The following PTPRU variants were observed in gnomAD, a reference collection of about 807,000 sequenced individuals.
PTPRU encodes receptor-type tyrosine-protein phosphatase U.
Under a neutral mutation model 166.3 loss-of-function variants are expected in PTPRU, and 69 were observed. The ratio of observed to expected loss-of-function variants is 0.41; its 90% CI spans 0.34 to 0.51. PTPRU has a LOEUF of 0.51. PTPRU is among the 20% of genes least tolerant of loss of function. PTPRU has a pLI of 0.09. For missense variants in PTPRU, 1,657 were observed against 2,013.7 expected (o/e 0.82, Z 3.39); for synonymous variants, 793 against 814.0 (o/e 0.97, Z 0.44).
At chr1:29,273,956 A>G (rs1158691315) in intron 7 of PTPRU, among the ~76,000 whole-genome samples, 1 of 152,180 alleles carries the variant, frequency 6.6e-6, no homozygotes, top group Non-Finnish European at 1.5e-5. Flanking sequence ...TCTCTGTGCC[A>G]TTGTTTTCAT....
rs1304619457 is a variant in PTPRU, at chr1:29,260,968, C to T, written c.1144+65C>T. ...GCCCAGGGCTATGGAGGGGCGCATT[C>T]GAGAGGTAGCGTGGCCTGTGCTTGT... On this transcript the variant is annotated intron_variant, in intron 7 of 29. Transcript: ENST00000373779. The surrounding 1 kb of genome is among the most constrained non-coding windows in gnomAD (Gnocchi z 8.3). 2 of 1,441,926 alleles carry T rather than the reference C, an allele frequency of 1.4e-6. No individual in the cohort carries two copies. Among genetic ancestry groups the T allele is most frequent in the East Asian group, 2.6e-5 (1 of 38,748 alleles). The allele number at this position is 1,441,926 out of a possible 1,614,324, so 89.3% of individuals were successfully genotyped here. A position where few individuals can be genotyped will look rare whatever the true frequency, so the allele number is the denominator to read the frequency against.
chr1:29,284,713 C>G lies in PTPRU; in HGVS notation c.2180-18C>G, dbSNP rs1407427337. ...CCTGTCTTTCCTCTGATCCCTTGTT[C>G]TGCTTTGTTCTCCCCAGCTGCCTGC... On this transcript the variant is annotated intron_variant, in intron 13 of 29. Transcript: ENST00000373779. 1 of 1,614,026 alleles carries G rather than the reference C, an allele frequency of 6.2e-7. No homozygotes were observed. Among genetic ancestry groups the G allele is most frequent in the Admixed American group, 1.7e-5 (1 of 60,012 alleles).
intron 25 of PTPRU, among the ~76,000 whole-genome samples, chr1:29,318,881 C>T (rs892774291): frequency 7.9e-5 from 12 of 152,202 alleles, no homozygotes; most frequent in Non-Finnish European, 1.6e-4. Flanking sequence ...CTGCGTCTCT[C>T]CACGCGGAAA....
Position 29,269,332 on chromosome 1 carries a change from G to C in PTPRU, c.1145-6116G>C, listed in dbSNP as rs143135977. Among the ~76,000 whole-genome samples the C allele has an allele frequency of 5.3e-3, 709 of 132,576 alleles. 2 individuals carry two copies. The highest frequency in any genetic ancestry group is 8.4e-3 in the Non-Finnish European group (546 of 65,008). The allele number at this position is 132,576 out of a possible 152,430, so 87.0% of individuals were successfully genotyped here. A position where few individuals can be genotyped will look rare whatever the true frequency, so the allele number is the denominator to read the frequency against. On this transcript the variant is annotated intron_variant, in intron 7 of 29. Transcript: ENST00000373779. Reference sequence around the variant, plus strand: ...CTGATCTTAAACTCCTGGCTTCAAGGGATCCTCCTGTTTCAGCCTCCCAAA... The same window carrying C: ...CTGATCTTAAACTCCTGGCTTCAAGCGATCCTCCTGTTTCAGCCTCCCAAA...
At chr1:29,302,819 G>A (rs942936836) in intron 15 of PTPRU, among the ~76,000 whole-genome samples, 1 of 152,098 alleles carries the variant, frequency 6.6e-6, no homozygotes, top group Non-Finnish European at 1.5e-5. Context: ...AAATTTCTGG[G>A]ATTACAGGTT....
In PTPRU at chr1:29,315,246, C is replaced by A; in HGVS notation, c.3228-126C>A. On this transcript the variant is annotated intron_variant, in intron 22 of 29. Coordinates refer to ENST00000373779, the MANE Select transcript of PTPRU (RefSeq NM_133178.4). The surrounding 1 kb of genome is among the most constrained non-coding windows in gnomAD (Gnocchi z 4.5). ...TCCTGGCTCCTTACTCGGGGAGGGG[C>A]AGTCATCTCTGTGTCCGTGTCCCCT... 8.4e-7 allele frequency: 1 copy of A among 1,187,956 alleles called. No homozygotes were observed. The highest frequency in any genetic ancestry group is 1.2e-6 in the Non-Finnish European group (1 of 843,118). 73.6% of individuals were successfully genotyped at this position (1,187,956 alleles called of 1,614,324 possible). A position where few individuals can be genotyped will look rare whatever the true frequency, so the allele number is the denominator to read the frequency against.
At position 29,315,522 on chromosome 1, in the gene PTPRU, C is replaced by T; in HGVS notation, c.3363+15C>T. 1.2e-6 allele frequency: 2 copies of T among 1,614,012 alleles called. No individual in the cohort carries two copies. The highest frequency in any genetic ancestry group is 1.7e-6 in the Non-Finnish European group (2 of 1,179,964). On this transcript the variant is annotated intron_variant, in intron 23 of 29. Coordinates refer to ENST00000373779, the MANE Select transcript of PTPRU (RefSeq NM_133178.4). This position sits in a 1 kb window ranked among gnomAD's most constrained non-coding sequence, Gnocchi z 4.5. The stretch of plus-strand genomic sequence containing the variant: ...TCCAGACTGAGGTGCGGGGACCTGG[C>T]CCTGTCCCCACCATTATTACTTCTA...
intron 14 of PTPRU, among the ~76,000 whole-genome samples, chr1:29,285,761 C>G (rs1686315794): frequency 6.6e-6 from 1 of 152,226 alleles, no homozygotes; most frequent in African/African-American, 2.4e-5. Context: ...CAGATGAAGG[C>G]TGAGCAGCAG....
At position 29,282,946 on chromosome 1, in the gene PTPRU, G is replaced by T; in HGVS notation, c.2139G>T (p.Lys713Asn). Residue 713 changes from lysine (K) to asparagine (N), a missense_variant, in exon 12 of 30, where the codon AAG becomes AAT. Physicochemically the swap from Lys to Asn is moderately conservative, Grantham distance 94 (BLOSUM62 0). Coordinates refer to ENST00000373779, the MANE Select transcript of PTPRU (RefSeq NM_133178.4). The stretch of plus-strand genomic sequence containing the variant: ...ACTTCCAGGCAGCAAGCCACCTGAA[G>T]GGGGTGAGGGACCGGCCAGGGTCAT... Reference protein sequence around the residue: ...LIYFQAASHLKGETRLNCIRI... With the variant: ...LIYFQAASHLNGETRLNCIRI... The T allele has an allele frequency of 6.2e-7, 1 of 1,613,060 alleles. No homozygotes were observed. Among genetic ancestry groups the T allele is most frequent in the South Asian group, 1.1e-5 (1 of 91,040 alleles).
intron 1 of PTPRU, among the ~76,000 whole-genome samples, chr1:29,254,954 A>G (rs1295740011): frequency 6.6e-6 from 1 of 152,168 alleles, no homozygotes; most frequent in Non-Finnish European, 1.5e-5. Flanking sequence ...GTGAAGTTCC[A>G]ATAATATAGC....
At position 29,317,765 on chromosome 1, in the gene PTPRU, C is replaced by T; in HGVS notation, c.3531C>T (p.Thr1177=). ...CCCTGTAGACGCTGAACTCGGTCAC[C>T]CCGCCGCTGGACGTGGAGGAGTGCA... ...REEFQTLNSV[T]PPLDVEECSI... Residue 1177 remains threonine, a synonymous_variant, in exon 25 of 30, where the codon ACC becomes ACT. Coordinates refer to ENST00000373779, the MANE Select transcript of PTPRU (RefSeq NM_133178.4). The surrounding 1 kb of genome is among the most constrained non-coding windows in gnomAD (Gnocchi z 5.6). 1 of 1,610,162 alleles carries T rather than the reference C, an allele frequency of 6.2e-7. No individual in the cohort carries two copies. Among genetic ancestry groups the T allele is most frequent in the Non-Finnish European group, 8.5e-7 (1 of 1,179,756 alleles).
intron 1 of PTPRU, 88 bp from the exon 2 acceptor site, chr1:29,255,187 G>A (rs892090763): frequency 1.4e-4 from 204 of 1,475,332 alleles, no homozygotes; most frequent in Non-Finnish European, 1.0e-4. Flanking sequence ...GTGGGCCTGG[G>A]TAGAAGGGAG....
chr1:29,246,054 G>A (rs1684283782), intron 1 of PTPRU, among the ~76,000 whole-genome samples: 1 of 152,256 alleles, frequency 6.6e-6, no homozygotes, highest in Admixed American at 6.5e-5. Context: ...ATGGACGTCA[G>A]TATTGCATCA....
intron 15 of PTPRU, among the ~76,000 whole-genome samples, chr1:29,295,248 T>G (rs1283179754): frequency 6.6e-6 from 1 of 151,986 alleles, no homozygotes; most frequent in Non-Finnish European, 1.5e-5. Context: ...TTCACTATGT[T>G]ACTCCAGGCT....
At chr1:29,290,417 A>AT (rs1485236938) in intron 14 of PTPRU, among the ~76,000 whole-genome samples, 1 of 152,218 alleles carries the variant, frequency 6.6e-6, no homozygotes, top group Non-Finnish European at 1.5e-5. Context: ...TGGAACTGGG[A>AT]TACAACCCAG....
chr1:29,249,720 C>T (rs1316756138), intron 1 of PTPRU, among the ~76,000 whole-genome samples: 1 of 152,212 alleles, frequency 6.6e-6, no homozygotes, highest in Non-Finnish European at 1.5e-5. Flanking sequence ...TGACATCTGA[C>T]TCTGGACCCC....
Position 29,323,618 on chromosome 1 carries a change from C to A in PTPRU, c.3955-13C>A. 1 of 1,613,720 alleles carries A rather than the reference C, an allele frequency of 6.2e-7. No individual in the cohort carries two copies. Among genetic ancestry groups the A allele is most frequent in the Non-Finnish European group, 8.5e-7 (1 of 1,179,802 alleles). On this transcript the variant is annotated splice_polypyrimidine_tract_variant and intron_variant, in intron 27 of 29. Coordinates refer to ENST00000373779, the MANE Select transcript of PTPRU (RefSeq NM_133178.4). ...TGCTCATGTCCTCCCTGGCTGGCTG[C>A]CCCTGTCCCCAGTTGCAGGAGGGGC...
In PTPRU at chr1:29,311,421, T is replaced by C. The variant is rs781733427; in HGVS notation, c.2858-35T>C. 2.5e-6 allele frequency: 4 copies of C among 1,607,140 alleles called. No homozygotes were observed. Among genetic ancestry groups the C allele is most frequent in the South Asian group, 1.1e-5 (1 of 90,922 alleles). On this transcript the variant is annotated intron_variant, in intron 19 of 29. Coordinates refer to ENST00000373779, the MANE Select transcript of PTPRU (RefSeq NM_133178.4). The surrounding 1 kb of genome is among the most constrained non-coding windows in gnomAD (Gnocchi z 4.1). ...GTGCTGACCTGGGGTGGAGACCTTG[T>C]CTCAGGGACAGGCACCCTCTGCCTG...
Position 29,326,339 on chromosome 1 carries a change from T to C in PTPRU, c.*678T>C, listed in dbSNP as rs903123408. On this transcript the variant is annotated 3_prime_UTR_variant, in exon 30 of 30. Coordinates refer to ENST00000373779, the MANE Select transcript of PTPRU (RefSeq NM_133178.4). ...AACCAGGATCTGCCTATTACTGCTG[T>C]GCCCCATGGGGGGCTCCTTCCCTGC... The C allele has an allele frequency of 6.4e-5, 10 of 155,670 alleles. No individual in the cohort carries two copies. Among genetic ancestry groups the C allele is most frequent in the African/African-American group, 2.4e-4 (10 of 41,592 alleles). 9.6% of individuals were successfully genotyped at this position (155,670 alleles called of 1,614,324 possible).
Sources: allele counts gnomAD v4.1 joint callset (sites outside exome capture counted in the v4.1 genomes callset), GRCh38; gene constraint gnomAD v4.1.1; non-coding constraint Gnocchi (gnomAD v3.1); transcripts MANE v1.5; gene names NCBI Gene and HGNC (gene_info 2026-07-23, HGNC 2026-07-21).